SLC24A2: variants seen among roughly 807,000 people sequenced by gnomAD.
The protein encoded by SLC24A2 is solute carrier family 24 member 2.
A neutral mutation model predicts 62.0 loss-of-function variants in SLC24A2; 36 were observed. The observed-to-expected ratio is 0.58, with a 90% CI of 0.44 to 0.77. The LOEUF is 0.77. SLC24A2 is among the 30% of genes least tolerant of loss of function. The pLI, the probability that SLC24A2 is intolerant of heterozygous loss-of-function variation, is 0.00. For synonymous variants in SLC24A2, 358 were observed against 294.0 expected (o/e 1.22, Z -2.23); for missense variants, 846 against 817.9 (o/e 1.03, Z -0.42).
chr9:20,280,188 G>A, the SLC24A2 span, among the ~76,000 whole-genome samples: 3 of 152,206 alleles, frequency 2.0e-5, no homozygotes, highest in Non-Finnish European at 2.9e-5. Context: ...ATGGGGCTCC[G>A]AAGAAAGTTA....
rs58241037 is a variant in SLC24A2 at position 19,762,793 on chromosome 9, C to CTTTTTTTTTT, written c.930+23134_930+23143dup. Among the ~76,000 whole-genome samples, 5 of 102,392 alleles carry CTTTTTTTTTT rather than the reference C, an allele frequency of 4.9e-5. 2 individuals carry two copies. Among genetic ancestry groups the CTTTTTTTTTT allele is most frequent in the Non-Finnish European group, 2.0e-5 (1 of 50,132 alleles). 67.2% of individuals were successfully genotyped at this position (102,392 alleles called of 152,430 possible). On this transcript the variant is annotated intron_variant, in intron 2 of 10. Coordinates refer to ENST00000341998, the MANE Select transcript of SLC24A2 (RefSeq NM_020344.4). ...CTTAGGATTGTCTTGGCTATATGTG[C>CTTTTTTTTTT]TTTTTTTTTTTTTTTTTTGGTTCCA...
In SLC24A2 at chr9:19,765,256, C is replaced by G. The variant is rs138900113; in HGVS notation, c.930+20681G>C. On this transcript the variant is annotated intron_variant, in intron 2 of 10. Coordinates refer to ENST00000341998, the MANE Select transcript of SLC24A2 (RefSeq NM_020344.4). ...GGGTCTTGACTCTTTATCCAATTTGCCAGTCTGTGCCTTTTAATTGGGGAA... is the reference window on the plus strand; with the variant it reads ...GGGTCTTGACTCTTTATCCAATTTGGCAGTCTGTGCCTTTTAATTGGGGAA... 2.1e-3 allele frequency among the ~76,000 whole-genome samples: 314 copies of G among 152,206 alleles called. 3 individuals carry two copies. The highest frequency in any genetic ancestry group is 7.1e-3 in the African/African-American group (296 of 41,526).
chr9:20,160,739 T>G, the SLC24A2 span, among the ~76,000 whole-genome samples: 1 of 151,124 alleles, frequency 6.6e-6, no homozygotes, highest in Non-Finnish European at 1.5e-5. Flanking sequence ...TATTAGAATC[T>G]ATGGGATACA....
At chr9:20,116,353 C>A in the SLC24A2 span, among the ~76,000 whole-genome samples, 3 of 152,120 alleles carry the variant, frequency 2.0e-5, no homozygotes, top group African/African-American at 7.2e-5. Flanking sequence ...CCCTTAAGCA[C>A]TTTATGAGGT....
At chr9:19,595,561 T>G (rs936149339) in intron 5 of SLC24A2, among the ~76,000 whole-genome samples, 1 of 152,222 alleles carries the variant, frequency 6.6e-6, no homozygotes, top group Non-Finnish European at 1.5e-5. Context: ...GACTGTGTTT[T>G]CCTGCTTCCA....
At chr9:20,271,766 G>C in the SLC24A2 span, among the ~76,000 whole-genome samples, 2 of 152,118 alleles carry the variant, frequency 1.3e-5, no homozygotes, top group African/African-American at 4.8e-5. Context: ...TTAAAGAAAG[G>C]TTTGAATGAG....
At chr9:19,617,725 G>C (rs1338871875) in intron 4 of SLC24A2, among the ~76,000 whole-genome samples, 1 of 152,170 alleles carries the variant, frequency 6.6e-6, no homozygotes, top group Non-Finnish European at 1.5e-5. Context: ...TTTGAGGGGG[G>C]CTCCTTTTGC....
At chr9:19,762,680 G>A (rs1350544325) in intron 2 of SLC24A2, among the ~76,000 whole-genome samples, 1 of 151,864 alleles carries the variant, frequency 6.6e-6, no homozygotes. Context: ...ATCTGTTTTG[G>A]TACCAGTACC....
the SLC24A2 span, among the ~76,000 whole-genome samples, chr9:20,142,255 A>G: frequency 1.3e-5 from 2 of 152,274 alleles, no homozygotes; most frequent in South Asian, 4.1e-4. Flanking sequence ...ATTGATTAGT[A>G]ACACCCATGA....
the SLC24A2 span, among the ~76,000 whole-genome samples, chr9:20,145,333 G>A: frequency 6.6e-6 from 1 of 151,904 alleles, no homozygotes; most frequent in East Asian, 1.9e-4. Flanking sequence ...TATAACATGG[G>A]GGATATAACA....
intron 10 of SLC24A2, among the ~76,000 whole-genome samples, chr9:19,519,089 G>A (rs574467922): frequency 6.6e-6 from 1 of 152,234 alleles, no homozygotes; most frequent in Non-Finnish European, 1.5e-5. Flanking sequence ...TGAAAAACAA[G>A]AGGGAATATT....
chr9:20,078,206 A>G, the SLC24A2 span, among the ~76,000 whole-genome samples: 1 of 152,174 alleles, frequency 6.6e-6, no homozygotes, highest in Non-Finnish European at 1.5e-5. Flanking sequence ...TGTGCACTCC[A>G]TAGTTGCTGT....
chr9:20,043,533 C>T, the SLC24A2 span, among the ~76,000 whole-genome samples: 2 of 152,192 alleles, frequency 1.3e-5, no homozygotes, highest in Admixed American at 1.3e-4. Flanking sequence ...ACCAGGAGAT[C>T]AAAACATCAA....
chr9:19,619,463 A>G, intron 4 of SLC24A2, 121 bp downstream of exon 4: 1 of 825,114 alleles, frequency 1.2e-6, no homozygotes, highest in Non-Finnish European at 2.2e-6. Flanking sequence ...TTCTGGCAGA[A>G]GCTAAACAAG....
chr9:19,766,304 C>A (rs1005990190), intron 2 of SLC24A2, among the ~76,000 whole-genome samples: 2 of 152,194 alleles, frequency 1.3e-5, no homozygotes, highest in Non-Finnish European at 2.9e-5. Context: ...TCTGTCAATT[C>A]GTCAAACTCA....
At chr9:19,921,679 A>G in the SLC24A2 span, among the ~76,000 whole-genome samples, 3 of 152,126 alleles carry the variant, frequency 2.0e-5, no homozygotes, top group Non-Finnish European at 2.9e-5. Flanking sequence ...CCTCACCTGA[A>G]TGCATTTCGG....
At chr9:19,578,348 T>C (rs1418085079) in intron 5 of SLC24A2, among the ~76,000 whole-genome samples, 2 of 108,752 alleles carry the variant, frequency 1.8e-5, no homozygotes, top group African/African-American at 3.8e-5. Flanking sequence ...AGTAAATGCA[T>C]GCAATAAGCC....
chr9:19,934,206 G>T, the SLC24A2 span, among the ~76,000 whole-genome samples: 1 of 152,174 alleles, frequency 6.6e-6, no homozygotes, highest in Non-Finnish European at 1.5e-5. This position sits in a 1 kb window ranked among gnomAD's most constrained non-coding sequence, Gnocchi z 4.1. Flanking sequence ...CCTACAGCCT[G>T]GCTCTCTGAG....
the SLC24A2 span, among the ~76,000 whole-genome samples, chr9:20,237,743 G>A: frequency 6.6e-6 from 1 of 152,084 alleles, no homozygotes; most frequent in African/African-American, 2.4e-5. Context: ...AAGTGCAGGG[G>A]GATAATTCAG....
Sources: gnomAD v4.1 joint callset for allele counts (sites outside exome capture counted in the v4.1 genomes callset) on GRCh38, gnomAD v4.1.1 for gene constraint, Gnocchi (gnomAD v3.1) non-coding constraint, MANE v1.5 for transcripts, NCBI Gene and HGNC (gene_info 2026-07-23, HGNC 2026-07-21) for gene names.